Variants in OLFM3 observed in about 807,000 individuals in gnomAD.
The protein encoded by OLFM3 is noelin-3.
Under a neutral mutation model 48.6 loss-of-function variants are expected in OLFM3, and 20 were observed. The observed-to-expected ratio is 0.41, with a 90% CI of 0.29 to 0.60. OLFM3 has a LOEUF of 0.60. OLFM3 is among the 20% of genes least tolerant of loss of function. The probability of loss-of-function intolerance (pLI) is 0.28; values close to 1 mark genes in which losing one functional copy is unlikely to be tolerated. For synonymous variants in OLFM3, 222 were observed against 198.1 expected (o/e 1.12, Z -1.01); for missense variants, 437 against 544.3 (o/e 0.80, Z 1.96).
intron 1 of OLFM3, among the ~76,000 whole-genome samples, chr1:101,957,143 GC>G (rs1244879504): frequency 6.6e-6 from 1 of 151,904 alleles, no homozygotes; most frequent in Admixed American, 6.6e-5. Flanking sequence ...TCATTGAGAG[GC>G]CAAATAAAAC....
At chr1:101,960,123 C>G (rs181677267) in intron 1 of OLFM3, among the ~76,000 whole-genome samples, 7 of 152,148 alleles carry the variant, frequency 4.6e-5, no homozygotes, top group Non-Finnish European at 1.0e-4. Flanking sequence ...TGGGGCAAAA[C>G]CTATGTAATT....
intron 1 of OLFM3, among the ~76,000 whole-genome samples, chr1:101,889,487 C>A (rs1657904449): frequency 6.6e-6 from 1 of 152,074 alleles, no homozygotes; most frequent in South Asian, 2.1e-4. Flanking sequence ...TAACATCACA[C>A]ACCAGGGCCT....
At chr1:101,858,718 C>T (rs1190258549) in intron 1 of OLFM3, among the ~76,000 whole-genome samples, 2 of 152,022 alleles carry the variant, frequency 1.3e-5, no homozygotes, top group African/African-American at 4.8e-5. Context: ...TCCTCCTGTG[C>T]CAGCCATGTA....
At chr1:101,985,879 G>C (rs1382316892) in intron 1 of OLFM3, among the ~76,000 whole-genome samples, 1 of 151,724 alleles carries the variant, frequency 6.6e-6, no homozygotes, top group Non-Finnish European at 1.5e-5. Flanking sequence ...TCAGCAAAAT[G>C]AAAGCAATAT....
intron 3 of OLFM3, 84 bp downstream of exon 3, chr1:101,830,588 T>G (rs10493974): frequency 0.16 from 235,206 of 1,438,862 alleles, 20,938 homozygotes; most frequent in African/African-American, 0.25. Context: ...CCAATGCACA[T>G]TCATTTCTAG....
At chr1:101,955,518 C>T (rs1660261963) in intron 1 of OLFM3, among the ~76,000 whole-genome samples, 1 of 151,832 alleles carries the variant, frequency 6.6e-6, no homozygotes. Context: ...GAAATTTATA[C>T]TGCTAATGCC....
intron 1 of OLFM3, among the ~76,000 whole-genome samples, chr1:101,872,960 T>G (rs1361371390): frequency 1.3e-5 from 2 of 151,972 alleles, no homozygotes; most frequent in Non-Finnish European, 2.9e-5. Context: ...TTTAATTACA[T>G]GATTGTAGGA....
chr1:101,898,489 T>C (rs888243025), intron 1 of OLFM3, among the ~76,000 whole-genome samples: 2 of 152,194 alleles, frequency 1.3e-5, no homozygotes, highest in Non-Finnish European at 2.9e-5. Flanking sequence ...TAAGGGGTTC[T>C]ATTTAATCTT....
intron 1 of OLFM3, among the ~76,000 whole-genome samples, chr1:101,969,334 T>G (rs2101094287): frequency 1.3e-5 from 2 of 148,942 alleles, no homozygotes. Flanking sequence ...TTTTTTGGTA[T>G]TTTTGTATTT....
Position 101,804,410 on chromosome 1 carries a change from G to C in OLFM3, c.1205C>G (p.Thr402Ser). Residue 402 changes from threonine to serine, a missense_variant, in exon 6 of 6, where the codon ACC becomes AGC. Coordinates refer to ENST00000370103, the MANE Select transcript of OLFM3 (RefSeq NM_058170.4). This position sits in a 1 kb window ranked among gnomAD's most constrained non-coding sequence, Gnocchi z 4.5. ...TGTGTACTCATATGTGGAGGTTTTG[G>C]TGGAATAGGAATAATACACCTTGGC... The part of the protein sequence containing the change: ...TGAKVYYSYS[T>S]KTSTYEYTDI... The C allele has an allele frequency of 6.2e-7, 1 of 1,612,526 alleles. No homozygotes were observed. The highest frequency in any genetic ancestry group is 8.5e-7 in the Non-Finnish European group (1 of 1,178,968).
At chr1:101,823,343 C>T (rs1347443629) in intron 4 of OLFM3, among the ~76,000 whole-genome samples, 1 of 152,040 alleles carries the variant, frequency 6.6e-6, no homozygotes, top group Non-Finnish European at 1.5e-5. Flanking sequence ...TAGCAAGACA[C>T]AACATTTAAA....
intron 4 of OLFM3, among the ~76,000 whole-genome samples, chr1:101,809,072 T>A (rs931212318): frequency 9.3e-5 from 14 of 150,862 alleles, no homozygotes; most frequent in Non-Finnish European, 1.8e-4. Context: ...AGAGAAAAAA[T>A]ATGGAGGCAT....
intron 1 of OLFM3, among the ~76,000 whole-genome samples, chr1:101,885,931 C>T (rs1241276117): frequency 1.3e-5 from 2 of 152,066 alleles, no homozygotes; most frequent in Non-Finnish European, 2.9e-5. Flanking sequence ...CACAGGGCGT[C>T]AGCACCCCTA....
At chr1:101,817,579 G>A (rs1557685945) in intron 4 of OLFM3, among the ~76,000 whole-genome samples, 1 of 152,000 alleles carries the variant, frequency 6.6e-6, no homozygotes, top group Non-Finnish European at 1.5e-5. Context: ...CTAACGAAGT[G>A]TAAAAACCAT....
At position 101,935,462 on chromosome 1, in the gene OLFM3, C is replaced by G. The variant is rs114538130; in HGVS notation, c.69+61286G>C. 4.7e-3 allele frequency among the ~76,000 whole-genome samples: 708 copies of G among 151,948 alleles called. 7 individuals carry two copies. The highest frequency in any genetic ancestry group is 0.016 in the African/African-American group (678 of 41,444). On this transcript the variant is annotated intron_variant, in intron 1 of 5. Transcript: ENST00000370103. ...TCCATGAACTGACCAATAATGAGTT[C>G]CAAAATTGAATCAGTAATAAAAAGC... is the stretch of plus-strand genomic sequence containing the variant.
At chr1:101,976,724 A>G (rs1177569923) in intron 1 of OLFM3, among the ~76,000 whole-genome samples, 2 of 152,168 alleles carry the variant, frequency 1.3e-5, no homozygotes, top group Non-Finnish European at 2.9e-5. Flanking sequence ...TCTCCATATC[A>G]TGAGTTTTTA....
chr1:101,920,887 T>C (rs921526500), intron 1 of OLFM3, among the ~76,000 whole-genome samples: 2 of 152,232 alleles, frequency 1.3e-5, no homozygotes, highest in African/African-American at 4.8e-5. Flanking sequence ...TTCTCAAACA[T>C]CTGAAAGCTA....
At chr1:101,912,946 C>G (rs1221421943) in intron 1 of OLFM3, among the ~76,000 whole-genome samples, 1 of 152,112 alleles carries the variant, frequency 6.6e-6, no homozygotes. Context: ...GGTAAAGGAG[C>G]TACAAAGTCA....
chr1:101,915,878 G>A (rs1015345507), intron 1 of OLFM3, among the ~76,000 whole-genome samples: 1 of 152,080 alleles, frequency 6.6e-6, no homozygotes, highest in African/African-American at 2.4e-5. Flanking sequence ...ATTATTACCC[G>A]TATTAGCACA....
Sources: allele counts gnomAD v4.1 joint callset (sites outside exome capture counted in the v4.1 genomes callset), GRCh38; gene constraint gnomAD v4.1.1; non-coding constraint Gnocchi (gnomAD v3.1); transcripts MANE v1.5; gene names NCBI Gene and HGNC (gene_info 2026-07-23, HGNC 2026-07-21).